Variants in NUBPL observed in about 807,000 individuals in gnomAD.
NUBPL encodes the protein iron-sulfur cluster transfer protein NUBPL.
Under a neutral mutation model 45.7 loss-of-function variants are expected in NUBPL, and 31 were observed. The observed-to-expected ratio is 0.68, with a 90% CI of 0.51 to 0.92. NUBPL has a LOEUF of 0.92. Among genes scored for constraint, NUBPL ranks in the 40% least tolerant of loss-of-function variants. The pLI, the probability that NUBPL is intolerant of heterozygous loss-of-function variation, is 0.00. For synonymous variants in NUBPL, 144 were observed against 140.9 expected, an observed-to-expected ratio of 1.02 and a Z score of -0.15; for missense variants, 401 against 398.7, an observed-to-expected ratio of 1.01 and a Z score of -0.05.
At chr14:31,824,899 G>C (rs973015401) in intron 7 of NUBPL, among the ~76,000 whole-genome samples, 1 of 151,954 alleles carries the variant, frequency 6.6e-6, no homozygotes, top group Admixed American at 6.6e-5. Flanking sequence ...TTATGTTTAT[G>C]TTAATTATTT....
Position 31,633,362 on chromosome 14 carries a change from C to G in NUBPL, c.382+33983C>G, listed in dbSNP as rs542011078. Among the ~76,000 whole-genome samples the G allele has an allele frequency of 1.4e-3, 209 of 152,294 alleles. 4 individuals are homozygous for G. The South Asian group carries it at 0.02, about 15-fold the overall frequency. On this transcript the variant is annotated intron_variant, in intron 4 of 10. Coordinates refer to ENST00000281081, the MANE Select transcript of NUBPL (RefSeq NM_025152.3). ...AAAATAAAACACTTTTAAAAAATTT[C>G]AGAAACATATTTGAGCATTTTAATA...
At chr14:31,763,308 G>C (rs1349107017) in intron 6 of NUBPL, among the ~76,000 whole-genome samples, 1 of 152,098 alleles carries the variant, frequency 6.6e-6, no homozygotes, top group Non-Finnish European at 1.5e-5. Flanking sequence ...TTAGCCTGAA[G>C]GTACTAAAGT....
chr14:31,770,050 GT>G (rs993574097), intron 6 of NUBPL, among the ~76,000 whole-genome samples: 12 of 151,860 alleles, frequency 7.9e-5, no homozygotes, highest in Admixed American at 3.9e-4. Context: ...TTCAGTGCTT[GT>G]TTTTTTTAAT....
intron 6 of NUBPL, among the ~76,000 whole-genome samples, chr14:31,681,374 G>A (rs573848168): frequency 1.0e-3 from 155 of 151,736 alleles, no homozygotes; most frequent in African/African-American, 3.5e-3. Context: ...AAATGGATAT[G>A]GGATGTAGCA....
At chr14:31,748,796 A>G (rs938384799) in intron 6 of NUBPL, among the ~76,000 whole-genome samples, 1 of 152,010 alleles carries the variant, frequency 6.6e-6, no homozygotes, top group African/African-American at 2.4e-5. Flanking sequence ...TATTTTTAGT[A>G]GAGATAGGGT....
chr14:31,668,524 C>T (rs1178537515), intron 4 of NUBPL, among the ~76,000 whole-genome samples: 1 of 152,200 alleles, frequency 6.6e-6, no homozygotes. Context: ...ACTAAGACCA[C>T]TTGGCTCCCT....
chr14:31,646,465 G>A (rs2035855975), intron 4 of NUBPL, among the ~76,000 whole-genome samples: 1 of 152,184 alleles, frequency 6.6e-6, no homozygotes, highest in African/African-American at 2.4e-5. Flanking sequence ...TGGGATTACA[G>A]GCATGAGCCA....
At chr14:31,669,737 A>T (rs1205948682) in intron 4 of NUBPL, among the ~76,000 whole-genome samples, 2 of 142,832 alleles carry the variant, frequency 1.4e-5, no homozygotes, top group African/African-American at 5.1e-5. Context: ...TTCCTGCATT[A>T]GTTTGCTAAG....
At chr14:31,717,776 G>GT (rs2139941383) in intron 6 of NUBPL, among the ~76,000 whole-genome samples, 1 of 58,158 alleles carries the variant, frequency 1.7e-5, no homozygotes, top group Admixed American at 1.9e-4. Flanking sequence ...GATGGTGTTT[G>GT]TTTAAAAAAA....
chr14:31,761,156 C>T (rs531832103), intron 6 of NUBPL, among the ~76,000 whole-genome samples: 42 of 152,052 alleles, frequency 2.8e-4, no homozygotes, highest in African/African-American at 9.9e-4. Context: ...GCCTTTCAAG[C>T]TTACAATATT....
Position 31,646,933 on chromosome 14 carries a change from A to T in NUBPL, c.383-26422A>T, listed in dbSNP as rs1329713426. Among the ~76,000 whole-genome samples the T allele has an allele frequency of 8.6e-5, 13 of 151,364 alleles. No homozygotes were observed. In the East Asian group the frequency reaches 2.5e-3, roughly 29 times the overall value. On this transcript the variant is annotated intron_variant, in intron 4 of 10. Transcript: ENST00000281081. ...TTTTCTCCTTTGTGTGTTTTCAAATAGTCTTGTTTTTGAGCTTACTGATTC... is the reference window on the plus strand; with the variant it reads ...TTTTCTCCTTTGTGTGTTTTCAAATTGTCTTGTTTTTGAGCTTACTGATTC...
intron 7 of NUBPL, among the ~76,000 whole-genome samples, chr14:31,817,685 G>T (rs1272283682): frequency 6.6e-6 from 1 of 152,104 alleles, no homozygotes; most frequent in African/African-American, 2.4e-5. Flanking sequence ...AAGGAAAACT[G>T]GTACCAGCCA....
At chr14:31,859,044 A>G (rs780356688) in intron 10 of NUBPL, 74 bp from the exon 11 acceptor site, 97 of 1,325,384 alleles carry the variant, frequency 7.3e-5, no homozygotes, top group Non-Finnish European at 9.6e-5. Context: ...GTGGGCCTCT[A>G]TAACAAACAG....
intron 6 of NUBPL, among the ~76,000 whole-genome samples, chr14:31,717,744 G>A (rs2037720735): frequency 6.6e-6 from 1 of 151,282 alleles, no homozygotes; most frequent in Middle Eastern, 3.4e-3. Flanking sequence ...CTCAAGAATC[G>A]ATTTTGTGTC....
chr14:31,782,923 A>G (rs2039219388), intron 6 of NUBPL, among the ~76,000 whole-genome samples: 1 of 152,318 alleles, frequency 6.6e-6, no homozygotes, highest in Non-Finnish European at 1.5e-5. Flanking sequence ...TTAGAGACCA[A>G]ACATATTTAG....
intron 6 of NUBPL, among the ~76,000 whole-genome samples, chr14:31,695,120 A>T (rs937779788): frequency 6.6e-6 from 1 of 152,230 alleles, no homozygotes; most frequent in East Asian, 1.9e-4. Context: ...AAAAGTTTGC[A>T]GTCTCATTTA....
chr14:31,636,757 A>C (rs923126272), intron 4 of NUBPL, among the ~76,000 whole-genome samples: 11 of 152,160 alleles, frequency 7.2e-5, no homozygotes, highest in Admixed American at 4.6e-4. Context: ...GATTATTGCC[A>C]CAATTTCAGA....
intron 4 of NUBPL, among the ~76,000 whole-genome samples, chr14:31,635,264 G>A (rs1479382518): frequency 6.6e-6 from 1 of 152,170 alleles, no homozygotes; most frequent in African/African-American, 2.4e-5. Flanking sequence ...ATTAATTTTT[G>A]TGTAAGGTGT....
At chr14:31,690,805 T>G (rs771316422) in intron 6 of NUBPL, among the ~76,000 whole-genome samples, 2 of 152,300 alleles carry the variant, frequency 1.3e-5, no homozygotes, top group Admixed American at 6.5e-5. Flanking sequence ...CAAGACCTTG[T>G]AGACGCCACA....
Sources: gnomAD v4.1 joint callset for allele counts (sites outside exome capture counted in the v4.1 genomes callset) on GRCh38, gnomAD v4.1.1 for gene constraint, MANE v1.5 for transcripts, NCBI Gene and HGNC (gene_info 2026-07-23, HGNC 2026-07-21) for gene names.